NR3C2: variants seen among roughly 807,000 people sequenced by gnomAD.
NR3C2 encodes nuclear receptor subfamily 3 group C member 2, also known as mineralocorticoid receptor.
Under a neutral mutation model 86.4 loss-of-function variants are expected in NR3C2, and 15 were observed. That is an observed-to-expected ratio of 0.17 (90% CI 0.12 to 0.27). NR3C2 has a LOEUF of 0.27. Ranked by LOEUF, NR3C2 falls within the 10% of genes least tolerant of loss-of-function variation. The pLI is 1.00. For synonymous variants in NR3C2, 458 were observed against 450.5 expected, an observed-to-expected ratio of 1.02 and a Z score of -0.21; for missense variants, 960 against 1,195.6, an observed-to-expected ratio of 0.80 and a Z score of 2.91.
chr4:148,362,755 G>T (rs1561064387), intron 2 of NR3C2, among the ~76,000 whole-genome samples: 1 of 152,098 alleles, frequency 6.6e-6, no homozygotes, highest in Admixed American at 6.5e-5. Flanking sequence ...TGTAATAACT[G>T]CTGTGGAGTA....
intron 2 of NR3C2, among the ~76,000 whole-genome samples, chr4:148,346,522 A>G (rs1745000499): frequency 6.6e-6 from 1 of 152,002 alleles, no homozygotes; most frequent in Non-Finnish European, 1.5e-5. Flanking sequence ...AAAGTTATGG[A>G]CTAAAGACAA....
chr4:148,389,594 A>G (rs1008079197), intron 2 of NR3C2, among the ~76,000 whole-genome samples: 8 of 152,118 alleles, frequency 5.3e-5, no homozygotes, highest in African/African-American at 1.9e-4. Flanking sequence ...ATCTCTTAAT[A>G]GTTACAGGAA....
chr4:148,205,808 T>C (rs1266354083), intron 3 of NR3C2, among the ~76,000 whole-genome samples: 2 of 152,086 alleles, frequency 1.3e-5, no homozygotes, highest in African/African-American at 4.8e-5. Context: ...AACAATAGAT[T>C]TGCATCTTGA....
chr4:148,423,648 A>AT (rs1025632454), intron 2 of NR3C2, among the ~76,000 whole-genome samples: 1 of 152,154 alleles, frequency 6.6e-6, no homozygotes, highest in Admixed American at 6.5e-5. Context: ...TTTCATATTC[A>AT]TTTTTTTGTT....
intron 6 of NR3C2, among the ~76,000 whole-genome samples, chr4:148,123,212 G>C (rs1014972962): frequency 1.6e-4 from 24 of 152,228 alleles, no homozygotes; most frequent in South Asian, 8.3e-4. Context: ...TACTAGGATG[G>C]GGAAAAACTC....
intron 2 of NR3C2, among the ~76,000 whole-genome samples, chr4:148,403,858 T>C (rs1197461042): frequency 6.6e-6 from 1 of 152,104 alleles, no homozygotes; most frequent in Non-Finnish European, 1.5e-5. Flanking sequence ...CCCATTTATG[T>C]ACTTTCTATT....
Position 148,296,493 on chromosome 4 carries a change from T to C in NR3C2, c.1758-36376A>G, listed in dbSNP as rs61760326. 2.0e-3 allele frequency among the ~76,000 whole-genome samples: 298 copies of C among 152,284 alleles called. 2 individuals carry two copies. Among genetic ancestry groups the C allele is most frequent in the Non-Finnish European group, 3.1e-3 (208 of 68,024 alleles). On this transcript the variant is annotated intron_variant, in intron 2 of 8. Transcript: ENST00000358102. ...TACACCTTTCATAATCATGTAATCA[T>C]TGAAACCAAACGACTTCATCCTTAA...
chr4:148,260,607 CTT>C (rs1740048251), intron 2 of NR3C2, among the ~76,000 whole-genome samples: 1 of 152,124 alleles, frequency 6.6e-6, no homozygotes, highest in African/African-American at 2.4e-5. Flanking sequence ...AAAATTTTAT[CTT>C]GTCTCAACTG....
At chr4:148,327,047 A>G (rs1744004655) in intron 2 of NR3C2, among the ~76,000 whole-genome samples, 1 of 152,216 alleles carries the variant, frequency 6.6e-6, no homozygotes, top group Non-Finnish European at 1.5e-5. Context: ...ATTTTTGATT[A>G]TTCAGTTCTA....
rs1744210768 is a variant in NR3C2, at chr4:148,331,088, A to T, written c.1758-70971T>A. Among the ~76,000 whole-genome samples the T allele has an allele frequency of 2.0e-5, 3 of 152,192 alleles. 1 individual carries two copies. The highest frequency in any genetic ancestry group is 4.4e-5 in the Non-Finnish European group (3 of 68,028). On this transcript the variant is annotated intron_variant, in intron 2 of 8. Transcript: ENST00000358102. The stretch of plus-strand genomic sequence containing the variant: ...TATTCCTTTATAATAATGCAAATGG[A>T]CTAATTCAGTATATAAAGGAAATAC...
chr4:148,226,632 T>C (rs1447916024), intron 3 of NR3C2, among the ~76,000 whole-genome samples: 1 of 152,168 alleles, frequency 6.6e-6, no homozygotes, highest in Non-Finnish European at 1.5e-5. Flanking sequence ...AGGGTATATA[T>C]ACAGTGACTT....
chr4:148,210,760 T>C (rs1737244184), intron 3 of NR3C2, among the ~76,000 whole-genome samples: 1 of 152,210 alleles, frequency 6.6e-6, no homozygotes, highest in South Asian at 2.1e-4. Context: ...GCCTTTTCTA[T>C]CCACAAGTAC....
At chr4:148,133,249 C>G (rs1012481353) in intron 6 of NR3C2, among the ~76,000 whole-genome samples, 5 of 151,066 alleles carry the variant, frequency 3.3e-5, no homozygotes, top group African/African-American at 1.2e-4. Flanking sequence ...CACTCTCAAG[C>G]CTCGTATTTG....
At chr4:148,154,969 T>A in intron 4 of NR3C2, 68 bp from the exon 5 acceptor site, 1 of 1,262,878 alleles carries the variant, frequency 7.9e-7, no homozygotes, top group Non-Finnish European at 1.1e-6. Flanking sequence ...TCACACTGGT[T>A]AAAGTACAGT....
chr4:148,087,902 A>T (rs1335716358), intron 8 of NR3C2, among the ~76,000 whole-genome samples: 1 of 152,244 alleles, frequency 6.6e-6, no homozygotes, highest in Admixed American at 6.5e-5. Flanking sequence ...TCTGCACAGC[A>T]AAAGAAACTA....
At chr4:148,383,741 A>T (rs1445441270) in intron 2 of NR3C2, among the ~76,000 whole-genome samples, 1 of 152,086 alleles carries the variant, frequency 6.6e-6, no homozygotes, top group Non-Finnish European at 1.5e-5. Flanking sequence ...TGAGGTCAGG[A>T]GTTCAGGACC....
chr4:148,094,723 A>ACC (rs1220408694), intron 8 of NR3C2, among the ~76,000 whole-genome samples: 140 of 135,790 alleles, frequency 1.0e-3, no homozygotes, highest in African/African-American at 4.3e-3. Context: ...CTCAAAAAAA[A>ACC]AAACAAAAAA....
intron 2 of NR3C2, among the ~76,000 whole-genome samples, chr4:148,308,501 T>C (rs916560722): frequency 6.6e-6 from 1 of 152,050 alleles, no homozygotes; most frequent in African/African-American, 2.4e-5. Context: ...AACACTGCAT[T>C]ACTCATATGT....
At chr4:148,128,791 AG>A (rs34810874) in intron 6 of NR3C2, among the ~76,000 whole-genome samples, 1 of 152,362 alleles carries the variant, frequency 6.6e-6, no homozygotes, top group South Asian at 2.1e-4. Flanking sequence ...CTAGACCACT[AG>A]GAAGTCACAT....
Sources: gnomAD v4.1 joint callset for allele counts (sites outside exome capture counted in the v4.1 genomes callset) on GRCh38, gnomAD v4.1.1 for gene constraint, MANE v1.5 for transcripts, NCBI Gene and HGNC (gene_info 2026-07-23, HGNC 2026-07-21) for gene names.